SRPK2: variants seen among roughly 807,000 people sequenced by gnomAD.
SRPK2 encodes the protein SRSF protein kinase 2.
Under a neutral mutation model 90.8 loss-of-function variants are expected in SRPK2, and 21 were observed. The observed-to-expected ratio is 0.23, with a 90% confidence interval of 0.16 to 0.33. The LOEUF (loss-of-function observed/expected upper bound fraction) is 0.33. SRPK2 is among the 10% of genes least tolerant of loss of function. SRPK2 has a pLI of 1.00. For missense variants in SRPK2, 620 were observed against 869.0 expected (o/e 0.71, Z 3.60); for synonymous variants, 288 against 311.1 (o/e 0.93, Z 0.78).
At chr7:105,137,905 C>CT (rs1195941308) in intron 11 of SRPK2, among the ~76,000 whole-genome samples, 1 of 152,166 alleles carries the variant, frequency 6.6e-6, no homozygotes, top group African/African-American at 2.4e-5. Flanking sequence ...GCTTATACCC[C>CT]TTCCCATGCA....
At chr7:105,261,022 T>TAA (rs72277307) in intron 2 of SRPK2, among the ~76,000 whole-genome samples, 3,137 of 115,980 alleles carry the variant, frequency 0.027, 83 homozygotes, top group Middle Eastern at 0.048. Context: ...CCCTAGAAAT[T>TAA]AAAAAAAAAA....
At chr7:105,358,186 T>C (rs190268691) in intron 2 of SRPK2, among the ~76,000 whole-genome samples, 262 of 130,642 alleles carry the variant, frequency 2.0e-3, no homozygotes, top group African/African-American at 7.4e-3. Flanking sequence ...ATCACGCCAC[T>C]GCACTCCAGC....
intron 2 of SRPK2, among the ~76,000 whole-genome samples, chr7:105,282,303 A>G (rs1807450282): frequency 6.6e-6 from 1 of 152,234 alleles, no homozygotes; most frequent in African/African-American, 2.4e-5. Flanking sequence ...CCTTCACACC[A>G]TATACAAAAA....
chr7:105,151,950 G>A (rs1805743167), intron 7 of SRPK2, among the ~76,000 whole-genome samples: 1 of 149,568 alleles, frequency 6.7e-6, no homozygotes, highest in Non-Finnish European at 1.5e-5. Flanking sequence ...CTTGAACCCA[G>A]AAAGCGGTGG....
rs533149891 is a variant in SRPK2, at chr7:105,132,901, G to A, written c.1645-3C>T. The stretch of plus-strand genomic sequence containing the variant: ...ATGTCTTCCGTGAAGTGTTTATGCT[G>A]GAAGGGAACAGGCTGCATTACCACG... On this transcript the variant is annotated splice_polypyrimidine_tract_variant and splice_region_variant and intron_variant, in intron 12 of 15. Transcript: ENST00000393651. The A allele has an allele frequency of 3.1e-6, 5 of 1,613,004 alleles. No individual in the cohort carries two copies. The South Asian group carries it at 3.3e-5, about 11-fold the overall frequency.
intron 9 of SRPK2, chr7:105,143,535 G>C: frequency 1.6e-6 from 1 of 627,744 alleles, no homozygotes; most frequent in Non-Finnish European, 2.7e-6. Context: ...CACGTACTAG[G>C]TCTACTACCA....
At chr7:105,348,260 G>T (rs1270646986) in intron 2 of SRPK2, among the ~76,000 whole-genome samples, 3 of 151,250 alleles carry the variant, frequency 2.0e-5, no homozygotes, top group Admixed American at 2.0e-4. Context: ...TAATAGAAAC[G>T]GGGTTTCTCC....
chr7:105,280,999 G>C (rs1235382989), intron 2 of SRPK2, among the ~76,000 whole-genome samples: 2 of 140,528 alleles, frequency 1.4e-5, no homozygotes, highest in Non-Finnish European at 3.0e-5. Flanking sequence ...TGTTTATAAG[G>C]CATAAGAGTT....
chr7:105,150,102 TACTG>T (rs1411592801), intron 7 of SRPK2, among the ~76,000 whole-genome samples: 1 of 152,108 alleles, frequency 6.6e-6, no homozygotes, highest in Non-Finnish European at 1.5e-5. Flanking sequence ...TTTAATAAGA[TACTG>T]ACAAGTTCCT....
At chr7:105,368,807 C>T (rs1819370751) in intron 2 of SRPK2, among the ~76,000 whole-genome samples, 1 of 150,138 alleles carries the variant, frequency 6.7e-6, no homozygotes, top group South Asian at 2.1e-4. Flanking sequence ...ATCGCTTGAA[C>T]CCGGGAGGCA....
In SRPK2 at chr7:105,177,449, A is replaced by G. The variant is rs148485537; in HGVS notation, c.230-8184T>C. 1.9e-3 allele frequency among the ~76,000 whole-genome samples: 285 copies of G among 152,358 alleles called. 2 individuals carry two copies. Among genetic ancestry groups the G allele is most frequent in the African/African-American group, 6.3e-3 (262 of 41,576 alleles). On this transcript the variant is annotated intron_variant, in intron 3 of 15. Coordinates refer to ENST00000393651, the MANE Select transcript of SRPK2 (RefSeq NM_182692.3). ...TTTGTTGTCAATGATGTTCTTATGAATATTATTGAAATATCTCATTTACAA... is the reference window on the plus strand; with the variant it reads ...TTTGTTGTCAATGATGTTCTTATGAGTATTATTGAAATATCTCATTTACAA...
chr7:105,179,449 T>G (rs969328433), intron 3 of SRPK2, among the ~76,000 whole-genome samples: 1 of 152,194 alleles, frequency 6.6e-6, no homozygotes, highest in African/African-American at 2.4e-5. Context: ...TAAAACTAAC[T>G]GGCCCAAAGC....
At chr7:105,187,584 C>CTAT (rs57512415) in intron 3 of SRPK2, among the ~76,000 whole-genome samples, 1,803 of 152,240 alleles carry the variant, frequency 0.012, 29 homozygotes, top group African/African-American at 0.041. Flanking sequence ...AAACTAAATG[C>CTAT]TATTATTAAA....
At chr7:105,366,676 C>A (rs1585912321) in intron 2 of SRPK2, among the ~76,000 whole-genome samples, 1 of 152,132 alleles carries the variant, frequency 6.6e-6, no homozygotes, top group Non-Finnish European at 1.5e-5. Context: ...GCCAGGTATG[C>A]CTTTCTTATT....
At chr7:105,305,327 T>A (rs758995182) in intron 2 of SRPK2, among the ~76,000 whole-genome samples, 5 of 152,078 alleles carry the variant, frequency 3.3e-5, no homozygotes, top group Non-Finnish European at 7.4e-5. Flanking sequence ...GCACCTGTAA[T>A]CCCAGCTACT....
At chr7:105,146,718 A>AT (rs1804676150) in intron 7 of SRPK2, 60 bp from the exon 8 acceptor site, 1 of 1,521,248 alleles carries the variant, frequency 6.6e-7, no homozygotes, top group African/African-American at 1.4e-5. Flanking sequence ...TATAACTTTT[A>AT]TTTATTTGAA....
At chr7:105,254,876 G>A (rs931233057) in intron 2 of SRPK2, among the ~76,000 whole-genome samples, 9 of 151,842 alleles carry the variant, frequency 5.9e-5, no homozygotes, top group South Asian at 2.1e-4. Context: ...TTTTAGTAGA[G>A]ATGGGGTTTC....
At chr7:105,178,566 G>A (rs997327079) in intron 3 of SRPK2, among the ~76,000 whole-genome samples, 3 of 152,130 alleles carry the variant, frequency 2.0e-5, no homozygotes, top group Admixed American at 6.5e-5. Flanking sequence ...GGTGGCTCAC[G>A]CCGCTGATAA....
At chr7:105,130,026 A>T (rs1801773382) in intron 13 of SRPK2, among the ~76,000 whole-genome samples, 1 of 152,182 alleles carries the variant, frequency 6.6e-6, no homozygotes, top group Admixed American at 6.5e-5. Flanking sequence ...AGCCACAAAG[A>T]AGTTTCAGAT....
Sources: gnomAD v4.1 joint callset for allele counts (sites outside exome capture counted in the v4.1 genomes callset) on GRCh38, gnomAD v4.1.1 for gene constraint, MANE v1.5 for transcripts, NCBI Gene and HGNC (gene_info 2026-07-23, HGNC 2026-07-21) for gene names.